The following SBNO1 variants were observed in gnomAD, a reference collection of about 807,000 sequenced individuals.
SBNO1 encodes the protein protein strawberry notch homolog 1.
SBNO1 carries 23 observed loss-of-function variants against 173.6 expected under a neutral mutation model. The observed-to-expected ratio is 0.13, with a 90% confidence interval of 0.10 to 0.19. The LOEUF is 0.19. Among genes scored for constraint, SBNO1 ranks in the 10% least tolerant of loss-of-function variants. The pLI is 1.00. For synonymous variants in SBNO1, 632 were observed against 571.5 expected, an observed-to-expected ratio of 1.11 and a Z score of -1.51; for missense variants, 1,238 against 1,671.2, an observed-to-expected ratio of 0.74 and a Z score of 4.52.
chr12:123,314,337 T>TG (rs1322197488), intron 23 of SBNO1, among the ~76,000 whole-genome samples: 1 of 150,524 alleles, frequency 6.6e-6, no homozygotes, highest in Non-Finnish European at 1.5e-5. Flanking sequence ...CAACTAAATT[T>TG]TTTTTTTCTT....
intron 31 of SBNO1, among the ~76,000 whole-genome samples, chr12:123,296,396 T>C (rs1350092894): frequency 6.6e-6 from 1 of 152,198 alleles, no homozygotes; most frequent in South Asian, 2.1e-4. Flanking sequence ...AGAACAGAAG[T>C]TGCAAATTCA....
chr12:123,304,549 C>T (rs1252117842), intron 29 of SBNO1, 33 bp downstream of exon 29: 1 of 1,449,294 alleles, frequency 6.9e-7, no homozygotes. Flanking sequence ...AGTAAGTATT[C>T]CTATATAATA....
At position 123,326,308 on chromosome 12, in the gene SBNO1, C is replaced by T; in HGVS notation, c.1719G>A (p.Gln573=). ...KLWVIARERF[Q]QAADLIDAEQ... ...CAGCATCAATCAGATCTGCAGCTTG[C>T]TGAAACCGCTCTCTGGCGATGACCC... Residue 573 remains glutamine (Q), a synonymous_variant, in exon 14 of 32, where the codon CAG becomes CAA. Transcript: ENST00000602398. The T allele has an allele frequency of 6.2e-7, 1 of 1,605,410 alleles. No homozygotes were observed. Among genetic ancestry groups the T allele is most frequent in the East Asian group, 2.2e-5 (1 of 44,710 alleles).
chr12:123,332,467 T>A (rs1263962592), intron 7 of SBNO1, among the ~76,000 whole-genome samples: 1 of 152,076 alleles, frequency 6.6e-6, no homozygotes, highest in Admixed American at 6.5e-5. Flanking sequence ...AGTTTTTGTA[T>A]TTTTAGTAGA....
chr12:123,353,012 G>A (rs1188919384), intron 1 of SBNO1, among the ~76,000 whole-genome samples: 1 of 152,138 alleles, frequency 6.6e-6, no homozygotes, highest in Non-Finnish European at 1.5e-5. Flanking sequence ...TGCCCAGGCT[G>A]GTCTCAAACT....
intron 1 of SBNO1, among the ~76,000 whole-genome samples, chr12:123,358,965 C>T (rs1295434352): frequency 1.3e-5 from 2 of 151,628 alleles, no homozygotes; most frequent in Non-Finnish European, 2.9e-5. Context: ...TGGACTCTTG[C>T]TCTGTCACCC....
intron 10 of SBNO1, 83 bp from the exon 11 acceptor site, chr12:123,328,110 C>T (rs1293364516): frequency 1.8e-6 from 2 of 1,135,060 alleles, no homozygotes; most frequent in South Asian, 1.6e-5. Context: ...ACTTTTATTT[C>T]CCTGAGGCCT....
chr12:123,358,758 AAAAAAAAAAG>A (rs1319440816), intron 1 of SBNO1, among the ~76,000 whole-genome samples: 100 of 141,646 alleles, frequency 7.1e-4, no homozygotes, highest in Middle Eastern at 7.0e-3. Flanking sequence ...AAAAAAAAAA[AAAAAAAAAAG>A]AAGAAGAAAA....
intron 30 of SBNO1, among the ~76,000 whole-genome samples, chr12:123,301,599 A>G (rs1381877089): frequency 6.6e-6 from 1 of 152,226 alleles, no homozygotes. Context: ...GAGGTCACAA[A>G]GTGAACACTG....
chr12:123,308,505 C>T (rs1417136008), intron 28 of SBNO1, among the ~76,000 whole-genome samples: 1 of 151,692 alleles, frequency 6.6e-6, no homozygotes, highest in Non-Finnish European at 1.5e-5. Context: ...CCTGTCTCTA[C>T]TAAAAATACA....
At chr12:123,326,108 C>A in intron 14 of SBNO1, 44 bp downstream of exon 14, 3 of 1,293,434 alleles carry the variant, frequency 2.3e-6, no homozygotes, top group African/African-American at 3.1e-5. Flanking sequence ...AAAGACTAAA[C>A]AACATAACCC....
In SBNO1 at chr12:123,296,004, T is replaced by C. The variant is rs776796981; in HGVS notation, c.4086A>G (p.Leu1362=). Residue 1362 remains leucine (L), a synonymous_variant, in exon 32 of 32, where the codon CTA becomes CTG. Coordinates refer to ENST00000602398, the MANE Select transcript of SBNO1 (RefSeq NM_001167856.3). The part of the protein sequence containing the change: ...ANCVSPLVNL[L]STSDQSQQLA... Reference sequence around the variant, plus strand: ...GCTGTTGAGACTGGTCTGAAGTTGATAGGAGATTTACAAGAGGAGACACAC... The same window carrying C: ...GCTGTTGAGACTGGTCTGAAGTTGACAGGAGATTTACAAGAGGAGACACAC... 1.4e-5 allele frequency: 22 copies of C among 1,613,874 alleles called. No individual in the cohort carries two copies. The highest frequency in any genetic ancestry group is 8.9e-5 in the East Asian group (4 of 44,896).
chr12:123,298,898 T>G (rs930024234), intron 30 of SBNO1, among the ~76,000 whole-genome samples: 1 of 152,138 alleles, frequency 6.6e-6, no homozygotes, highest in African/African-American at 2.4e-5. Context: ...GAGACCAGCC[T>G]GTGCAACATG....
intron 1 of SBNO1, among the ~76,000 whole-genome samples, chr12:123,356,734 G>A (rs1422899926): frequency 2.0e-5 from 3 of 152,254 alleles, no homozygotes; most frequent in Non-Finnish European, 4.4e-5. Context: ...GTGAGCCACC[G>A]TGCCCTGCAC....
chr12:123,299,028 G>A (rs962982592), intron 30 of SBNO1, among the ~76,000 whole-genome samples: 4 of 152,098 alleles, frequency 2.6e-5, no homozygotes, highest in Admixed American at 6.5e-5. Context: ...TTTGAGATCA[G>A]CCTGGCCAAC....
intron 27 of SBNO1, 42 bp from the exon 28 acceptor site, chr12:123,309,444 G>GC (rs1223712342): frequency 6.3e-7 from 1 of 1,595,368 alleles, no homozygotes; most frequent in South Asian, 1.1e-5. Context: ...TTCTGTAAAT[G>GC]CATCTCATGG....
Position 123,345,233 on chromosome 12 carries a change from T to C in SBNO1, c.550+25A>G, listed in dbSNP as rs76477855. ...GACATAGCTTACCAGAGAGAGAAAG[T>C]TGATACTATTGAAAACAGACTTACT... On this transcript the variant is annotated intron_variant, in intron 4 of 31. Coordinates refer to ENST00000602398, the MANE Select transcript of SBNO1 (RefSeq NM_001167856.3). 1.0e-3 allele frequency: 1,645 copies of C among 1,581,260 alleles called. 14 individuals carry two copies. In the African/African-American group the frequency reaches 0.014, roughly 14 times the overall value.
intron 5 of SBNO1, among the ~76,000 whole-genome samples, chr12:123,338,454 G>C (rs373390874): frequency 2.6e-5 from 4 of 152,078 alleles, no homozygotes; most frequent in African/African-American, 9.7e-5. Flanking sequence ...AGGCCGAGGC[G>C]GGTGAATCAC....
chr12:123,328,654 G>A, intron 10 of SBNO1, 80 bp downstream of exon 10: 1 of 1,126,310 alleles, frequency 8.9e-7, no homozygotes, highest in Non-Finnish European at 1.2e-6. Flanking sequence ...TTAATCTCAA[G>A]ATTCCTGTTT....
Sources: allele counts gnomAD v4.1 joint callset (sites outside exome capture counted in the v4.1 genomes callset), GRCh38; gene constraint gnomAD v4.1.1; transcripts MANE v1.5; gene names NCBI Gene and HGNC (gene_info 2026-07-23, HGNC 2026-07-21).